The following NME4 variants were observed in gnomAD, a reference collection of about 807,000 sequenced individuals.
NME4 encodes NME/NM23 nucleoside diphosphate kinase 4.
A neutral mutation model predicts 16.4 loss-of-function variants in NME4; 21 were observed. That is an observed-to-expected ratio of 1.28 (90% CI 0.91 to 1.84). The LOEUF is 1.84. NME4 is among the 40% of genes most tolerant of loss of function. NME4 has a pLI of 0.00. For synonymous variants in NME4, 132 were observed against 107.5 expected (o/e 1.23, Z -1.41); for missense variants, 316 against 261.3 (o/e 1.21, Z -1.44).
intron 1 of NME4, chr16:398,050 C>T (rs1290678312): frequency 1.1e-5 from 17 of 1,529,856 alleles, no homozygotes; most frequent in Non-Finnish European, 1.5e-5. Context: ...AACTTTTCCT[C>T]CTGGCCTGGC....
intron 4 of NME4, 139 bp from the exon 5 acceptor site, chr16:400,080 C>A (rs753329807): frequency 1.5e-6 from 2 of 1,298,104 alleles, no homozygotes; most frequent in Non-Finnish European, 2.2e-6. Context: ...GGTTTCCCAG[C>A]TCCACTGTTA....
intron 1 of NME4, chr16:397,827 G>T: frequency 6.5e-7 from 1 of 1,529,046 alleles, no homozygotes; most frequent in Non-Finnish European, 8.8e-7. Context: ...CCCCGGCCCC[G>T]CCGCTGCCCG....
At position 397,241 on chromosome 16, in the gene NME4, C is replaced by G; in HGVS notation, c.19C>G (p.Arg7Gly). Residue 7 changes from arginine (R) to glycine (G), a missense_variant, in exon 1 of 5, where the codon CGC (arginine) becomes GGC (glycine). Coordinates refer to ENST00000219479, the MANE Select transcript of NME4 (RefSeq NM_005009.3). MGGLFW[R>G]SALRGLRCGP... Reference sequence around the variant, plus strand: ...GGGCGTCATGGGCGGCCTCTTCTGGCGCTCCGCGCTGCGGGGGCTGCGCTG... The same window carrying G: ...GGGCGTCATGGGCGGCCTCTTCTGGGGCTCCGCGCTGCGGGGGCTGCGCTG... The G allele has an allele frequency of 9.6e-7, 1 of 1,037,682 alleles. No homozygotes were observed. Among genetic ancestry groups the G allele is most frequent in the Non-Finnish European group, 1.2e-6 (1 of 866,136 alleles). The allele number at this position is 1,037,682 out of a possible 1,614,324, so 64.3% of individuals were successfully genotyped here. A position where few individuals can be genotyped will look rare whatever the true frequency, so the allele number is the denominator to read the frequency against.
chr16:399,393 C>T lies in NME4; in HGVS notation c.240C>T (p.Val80=). ...GMKMLQAPES[V]LAEHYQDLRR... is the part of the protein sequence containing the mutation. ...ATGCCACCCAGGCACCAGAGAGCGT[C>T]CTTGCCGAGCACTACCAGGACCTGC... The change falls in exon 3 of 5, where the codon GTC becomes GTT. Residue 80 remains valine, a synonymous_variant. Coordinates refer to ENST00000219479, the MANE Select transcript of NME4 (RefSeq NM_005009.3). 8.7e-6 allele frequency: 14 copies of T among 1,612,982 alleles called. No individual in the cohort carries two copies. The highest frequency in any genetic ancestry group is 1.2e-5 in the Non-Finnish European group (14 of 1,179,984).
At position 400,242 on chromosome 16, in the gene NME4, C is replaced by T; in HGVS notation, c.464C>T (p.Ser155Phe). ...AGGAATGTCATCCACGCCAGCGACT[C>T]CGTGGAGGGGGCCCAGCGGGAGATC... ...ISRNVIHASD[S>F]VEGAQREIQL... is the part of the protein sequence containing the mutation. The change falls in exon 5 of 5, where the codon TCC becomes TTC. Residue 155 changes from serine (S) to phenylalanine (F), a missense_variant. Coordinates refer to ENST00000219479, the MANE Select transcript of NME4 (RefSeq NM_005009.3). The T allele has an allele frequency of 1.2e-6, 2 of 1,604,582 alleles. No homozygotes were observed. The highest frequency in any genetic ancestry group is 2.2e-5 in the East Asian group (1 of 44,604).
chr16:397,423 TC>T, intron 1 of NME4, 110 bp downstream of exon 1: 1 of 307,836 alleles, frequency 3.2e-6, no homozygotes, highest in Non-Finnish European at 4.7e-6. Context: ...CCCAGAGGCC[TC>T]GGGGCGCGGG....
At chr16:397,119 TCC>T (rs2054557890), upstream of NME4, 4 of 146,058 alleles carry the variant, frequency 2.7e-5, no homozygotes, top group African/African-American at 8.9e-4. Flanking sequence ...GGCGGGGGGC[TCC>T]GGGGCGGCGG....
rs1035609274 is a variant in NME4, at chr16:397,473, C to T, written c.91+160C>T. Among the ~76,000 whole-genome samples the T allele has an allele frequency of 3.9e-3, 542 of 139,652 alleles. 2 individuals are homozygous for T. Among genetic ancestry groups the T allele is most frequent in the African/African-American group, 0.013 (512 of 38,018 alleles). 91.6% of individuals were successfully genotyped at this position (139,652 alleles called of 152,430 possible). A position where few individuals can be genotyped will look rare whatever the true frequency, so the allele number is the denominator to read the frequency against. The stretch of plus-strand genomic sequence containing the variant: ...CCGAGTTGGGGAAGGCGCCGGCTCG[C>T]ACCCGCACGCCCCTCCAGTGCCCGT... On this transcript the variant is annotated intron_variant, in intron 1 of 4. Transcript: ENST00000219479.
At position 400,319 on chromosome 16, in the gene NME4, C is replaced by A; in HGVS notation, c.541C>A (p.His181Asn). ...GGTGAGCTGGGCAGACGGGGGCCAG[C>A]ACAGCAGCATCCACCCAGCCTGAGG... The part of the protein sequence containing the change: ...ELVSWADGGQ[H>N]SSIHPA Residue 181 changes from histidine (H) to asparagine (N), a missense_variant, in exon 5 of 5, where the codon CAC becomes AAC. By Grantham distance (68) the His-to-Asn change is moderately conservative. Coordinates refer to ENST00000219479, the MANE Select transcript of NME4 (RefSeq NM_005009.3). The A allele has an allele frequency of 6.2e-7, 1 of 1,605,146 alleles. No individual in the cohort carries two copies. Among genetic ancestry groups the A allele is most frequent in the Non-Finnish European group, 8.5e-7 (1 of 1,178,350 alleles).
intron 4 of NME4, 62 bp downstream of exon 4, chr16:399,801 G>A (rs2054620779): frequency 6.5e-6 from 9 of 1,376,040 alleles, no homozygotes; most frequent in South Asian, 1.2e-5. Context: ...ACTTGGGGTG[G>A]TGGCAGATCC....
chr16:398,503 CAGAAG>C, intron 1 of NME4: 1 of 862,010 alleles, frequency 1.2e-6, no homozygotes, highest in Non-Finnish European at 1.5e-6. Flanking sequence ...TGTCGTCATC[CAGAAG>C]GGATGGAGTC....
At chr16:400,027 C>G in intron 4 of NME4, 192 bp from the exon 5 acceptor site, 1 of 836,306 alleles carries the variant, frequency 1.2e-6, no homozygotes, top group Non-Finnish European at 1.9e-6. Context: ...GGGGCCTGGG[C>G]GGGTCCACGA....
rs770357247 is a variant in NME4, at chr16:399,420, G to C, written c.267G>C (p.Arg89=). ...SVLAEHYQDL[R]RKPFYPALIR... ...TTGCCGAGCACTACCAGGACCTGCG[G>C]AGGAAGCCCTTCTACCCTGCCCTCA... is the stretch of plus-strand genomic sequence containing the variant. Residue 89 remains arginine, a synonymous_variant, in exon 3 of 5, where the codon CGG becomes CGC. Coordinates refer to ENST00000219479, the MANE Select transcript of NME4 (RefSeq NM_005009.3). 6.2e-7 allele frequency: 1 copy of C among 1,613,028 alleles called. No individual in the cohort carries two copies. Among genetic ancestry groups the C allele is most frequent in the East Asian group, 2.2e-5 (1 of 44,880 alleles).
rs781481640 is a variant in NME4 at position 399,484 on chromosome 16, C to T, written c.327+4C>T. Reference sequence around the variant, plus strand: ...CTCTGGGCCTGTGGTGGCCATGGTACGGCAGGGCAGGGGTGGTGGAAGGGC... The same window carrying T: ...CTCTGGGCCTGTGGTGGCCATGGTATGGCAGGGCAGGGGTGGTGGAAGGGC... On this transcript the variant is annotated splice_donor_region_variant and intron_variant, in intron 3 of 4. Transcript: ENST00000219479. The T allele has an allele frequency of 3.1e-6, 5 of 1,612,126 alleles. No homozygotes were observed. The highest frequency in any genetic ancestry group is 1.7e-5 in the Admixed American group (1 of 60,010).
chr16:398,062 G>C, intron 1 of NME4: 1 of 1,529,644 alleles, frequency 6.5e-7, no homozygotes, highest in Admixed American at 2.0e-5. Context: ...TGGCCTGGCG[G>C]AGCCCCTTTG....
In NME4 at chr16:399,002, G is replaced by A; in HGVS notation, c.104G>A (p.Trp35Ter). 1 of 1,610,290 alleles carries A rather than the reference G, an allele frequency of 6.2e-7. No homozygotes were observed. Among genetic ancestry groups the A allele is most frequent in the Non-Finnish European group, 8.5e-7 (1 of 1,179,890 alleles). The change falls in exon 2 of 5, where the codon TGG becomes TAG. Residue 35 changes from tryptophan (W) to a stop codon, truncating the protein, a stop_gained. Coordinates refer to ENST00000219479, the MANE Select transcript of NME4 (RefSeq NM_005009.3). LOFTEE classifies it high-confidence loss of function. Reference protein sequence around the residue: ...LVRHGSGGPSWTRERTLVAVK... With the variant: ...LVRHGSGGPS ...TTGCCTTTTGAAGGAGGGCCCTCCTGGACCCGGGAGCGGACCCTGGTGGCG... is the reference window on the plus strand; with the variant it reads ...TTGCCTTTTGAAGGAGGGCCCTCCTAGACCCGGGAGCGGACCCTGGTGGCG...
chr16:399,798 G>A (rs1364703569), intron 4 of NME4, 59 bp downstream of exon 4: 14 of 1,422,676 alleles, frequency 9.8e-6, no homozygotes, highest in Admixed American at 1.7e-5. Flanking sequence ...ATCACTTGGG[G>A]TGGTGGCAGA....
At position 400,243 on chromosome 16, in the gene NME4, C is replaced by A. The variant is rs199651759; in HGVS notation, c.465C>A (p.Ser155=). 33 of 1,604,334 alleles carry A rather than the reference C, an allele frequency of 2.1e-5. No individual in the cohort carries two copies. Among genetic ancestry groups the A allele is most frequent in the Non-Finnish European group, 2.7e-5 (32 of 1,173,706 alleles). The change falls in exon 5 of 5, where the codon TCC becomes TCA. Residue 155 remains serine (S), a synonymous_variant. Coordinates refer to ENST00000219479, the MANE Select transcript of NME4 (RefSeq NM_005009.3). ...ISRNVIHASD[S]VEGAQREIQL... ...GGAATGTCATCCACGCCAGCGACTC[C>A]GTGGAGGGGGCCCAGCGGGAGATCC...
rs1350418839 is a variant in NME4, at chr16:399,714, G to A, written c.415G>A (p.Gly139Ser). The A allele has an allele frequency of 1.2e-6, 2 of 1,612,952 alleles. No individual in the cohort carries two copies. Among genetic ancestry groups the A allele is most frequent in the Non-Finnish European group, 1.7e-6 (2 of 1,179,916 alleles). ...SAEAAPGTIR[G>S]DFSVHISRNV... is the part of the protein sequence containing the mutation. ...TGAGGCTGCCCCAGGAACCATAAGGGGTGACTTCAGCGTCCACATCAGCAG... is the reference window on the plus strand; with the variant it reads ...TGAGGCTGCCCCAGGAACCATAAGGAGTGACTTCAGCGTCCACATCAGCAG... Residue 139 changes from glycine (G) to serine (S), a missense_variant, in exon 4 of 5, where the codon GGT (glycine) becomes AGT (serine). Coordinates refer to ENST00000219479, the MANE Select transcript of NME4 (RefSeq NM_005009.3).
Sources: allele counts gnomAD v4.1 joint callset (sites outside exome capture counted in the v4.1 genomes callset), GRCh38; gene constraint gnomAD v4.1.1; transcripts MANE v1.5; gene names NCBI Gene and HGNC (gene_info 2026-07-23, HGNC 2026-07-21).